Variants in HTRA3 observed in about 807,000 individuals in gnomAD.
HTRA3 encodes the protein HtrA serine peptidase 3.
Under a neutral mutation model 43.2 loss-of-function variants are expected in HTRA3, and 41 were observed. The observed-to-expected ratio is 0.95, with a 90% CI of 0.74 to 1.23. The LOEUF (loss-of-function observed/expected upper bound fraction) is 1.23. Ranked by LOEUF, HTRA3 falls within the 50% of genes most tolerant of loss-of-function variation. The probability of loss-of-function intolerance (pLI) is 0.00; values close to 1 mark genes in which losing one functional copy is unlikely to be tolerated. For synonymous variants in HTRA3, 295 were observed against 287.9 expected, an observed-to-expected ratio of 1.02 and a Z score of -0.25; for missense variants, 628 against 647.1, an observed-to-expected ratio of 0.97 and a Z score of 0.32.
chr4:8,270,435 G>T, intron 1 of HTRA3, 82 bp downstream of exon 1: 1 of 1,338,836 alleles, frequency 7.5e-7, no homozygotes, highest in East Asian at 3.1e-5. Context: ...CGAGCTCGAG[G>T]TCGCCCTTCC....
At position 8,280,483 on chromosome 4, in the gene HTRA3, C is replaced by T. The variant is rs537530612; in HGVS notation, c.386-1954C>T. On this transcript the variant is annotated intron_variant, in intron 1 of 8. Transcript: ENST00000307358. ...GGGTGCTAGAAAATGAACTCAAGTT[C>T]CCAGGGGCAGGGAGGAGAAGCAGAC... Among the ~76,000 whole-genome samples the T allele has an allele frequency of 3.9e-5, 6 of 152,286 alleles. No homozygotes were observed. The East Asian group carries it at 1.2e-3, about 29-fold the overall frequency.
intron 5 of HTRA3, among the ~76,000 whole-genome samples, chr4:8,292,834 T>C (rs755498520): frequency 7.9e-5 from 12 of 152,252 alleles, no homozygotes; most frequent in Middle Eastern, 3.4e-3. Context: ...GTCCCACCCC[T>C]GAAGCTCCTA....
At chr4:8,270,637 G>A (rs974786733) in intron 1 of HTRA3, among the ~76,000 whole-genome samples, 2 of 152,216 alleles carry the variant, frequency 1.3e-5, no homozygotes, top group Non-Finnish European at 2.9e-5. Context: ...GGTCTCTTCA[G>A]AACTGATGTC....
chr4:8,295,610 G>T lies in HTRA3; in HGVS notation c.1051+1409G>T, dbSNP rs1037330136. Reference sequence around the variant, plus strand: ...TAGTGAGCTTCTCCCTCCTGCCATTGTGTCTCCTGTGCCCACCTCCTGGCC... The same window carrying T: ...TAGTGAGCTTCTCCCTCCTGCCATTTTGTCTCCTGTGCCCACCTCCTGGCC... On this transcript the variant is annotated intron_variant, in intron 6 of 8. Transcript: ENST00000307358. This position sits in a 1 kb window ranked among gnomAD's most constrained non-coding sequence, Gnocchi z 6.9. 15 of 1,011,818 alleles carry T rather than the reference G, an allele frequency of 1.5e-5. 1 individual carries two copies. In the African/African-American group the frequency reaches 1.8e-4, roughly 12 times the overall value. The allele number at this position is 1,011,818 out of a possible 1,614,324, so 62.7% of individuals were successfully genotyped here.
chr4:8,278,751 G>A (rs1230183951), intron 1 of HTRA3, among the ~76,000 whole-genome samples: 2 of 152,212 alleles, frequency 1.3e-5, no homozygotes, highest in African/African-American at 4.8e-5. Context: ...CAGCAGACCT[G>A]GGCCAGCGCC....
Position 8,286,543 on chromosome 4 carries a change from G to A in HTRA3, c.486-18G>A. On this transcript the variant is annotated intron_variant, in intron 2 of 8. Coordinates refer to ENST00000307358, the MANE Select transcript of HTRA3 (RefSeq NM_053044.5). This position sits in a 1 kb window ranked among gnomAD's most constrained non-coding sequence, Gnocchi z 4.9. ...CTAGCCCCACCCTAAATGCCCGCCT[G>A]TGTCTCCCTGGCTGCAGACACCCGC... is the stretch of plus-strand genomic sequence containing the variant. The A allele has an allele frequency of 1.9e-6, 3 of 1,611,518 alleles. No individual in the cohort carries two copies. The highest frequency in any genetic ancestry group is 2.5e-6 in the Non-Finnish European group (3 of 1,178,732).
intron 1 of HTRA3, among the ~76,000 whole-genome samples, chr4:8,280,067 A>G (rs1712682058): frequency 6.6e-6 from 1 of 152,212 alleles, no homozygotes; most frequent in Non-Finnish European, 1.5e-5. Flanking sequence ...AGGACCAACC[A>G]GAGCATCTTG....
Position 8,275,755 on chromosome 4 carries a change from G to A in HTRA3, c.385+5402G>A, listed in dbSNP as rs115540460. On this transcript the variant is annotated intron_variant, in intron 1 of 8. Transcript: ENST00000307358. ...CTGGGCACTGTTCCAGGCCCACAAA[G>A]CCTTCAACACATCATTGGGGTATTG... 3.8e-3 allele frequency among the ~76,000 whole-genome samples: 574 copies of A among 152,316 alleles called. 6 individuals are homozygous for A. The highest frequency in any genetic ancestry group is 0.013 in the African/African-American group (549 of 41,566).
Position 8,295,638 on chromosome 4 carries a change from C to A in HTRA3, c.1051+1437C>A. 7.7e-7 allele frequency: 1 copy of A among 1,299,982 alleles called. No individual in the cohort carries two copies. Among genetic ancestry groups the A allele is most frequent in the East Asian group, 3.0e-5 (1 of 33,118 alleles). 80.5% of individuals were successfully genotyped at this position (1,299,982 alleles called of 1,614,324 possible). A position where few individuals can be genotyped will look rare whatever the true frequency, so the allele number is the denominator to read the frequency against. On this transcript the variant is annotated intron_variant, in intron 6 of 8. Coordinates refer to ENST00000307358, the MANE Select transcript of HTRA3 (RefSeq NM_053044.5). This position sits in a 1 kb window ranked among gnomAD's most constrained non-coding sequence, Gnocchi z 6.9. ...TCTCCTGTGCCCACCTCCTGGCCAA[C>A]GCCCAGGCCTGACTCAGCAACTCAC...
chr4:8,287,156 G>C (rs1408506907), intron 3 of HTRA3, among the ~76,000 whole-genome samples: 2 of 152,206 alleles, frequency 1.3e-5, no homozygotes, highest in African/African-American at 4.8e-5. Flanking sequence ...GTGGAGGCCA[G>C]GGGGCTGCCG....
At chr4:8,305,602 T>C (rs1051223320) in intron 8 of HTRA3, among the ~76,000 whole-genome samples, 3 of 152,202 alleles carry the variant, frequency 2.0e-5, no homozygotes, top group Admixed American at 1.3e-4. Flanking sequence ...TCTTCGTAAC[T>C]GCAGTAACAG....
chr4:8,302,962 C>T (rs1333766689), intron 7 of HTRA3, among the ~76,000 whole-genome samples: 1 of 152,214 alleles, frequency 6.6e-6, no homozygotes, highest in Non-Finnish European at 1.5e-5. Flanking sequence ...TTCACTTGAC[C>T]TTCTTTCTCT....
chr4:8,289,419 T>C (rs892004236), intron 3 of HTRA3, among the ~76,000 whole-genome samples: 4 of 152,236 alleles, frequency 2.6e-5, no homozygotes, highest in African/African-American at 4.8e-5. Context: ...TGGACAGCGT[T>C]TGGGCCTTGG....
chr4:8,287,647 C>T (rs1713050894), intron 3 of HTRA3, among the ~76,000 whole-genome samples: 1 of 152,124 alleles, frequency 6.6e-6, no homozygotes, highest in African/African-American at 2.4e-5. Flanking sequence ...AAGTCTGCCC[C>T]CATGATCCCA....
rs1560145340 is a variant in HTRA3, at chr4:8,306,397, C to T, written c.*261C>T. On this transcript the variant is annotated 3_prime_UTR_variant, in exon 9 of 9. Coordinates refer to ENST00000307358, the MANE Select transcript of HTRA3 (RefSeq NM_053044.5). This position sits in a 1 kb window ranked among gnomAD's most constrained non-coding sequence, Gnocchi z 8.9. ...TCCTGAAAGTCACTTCCAAGTTCTC[C>T]GGATATTCACAAAACTGCCTTCCAT... 11 of 388,448 alleles carry T rather than the reference C, an allele frequency of 2.8e-5. No homozygotes were observed. The highest frequency in any genetic ancestry group is 6.2e-5 in the African/African-American group (3 of 48,086). The allele number at this position is 388,448 out of a possible 1,614,324, so 24.1% of individuals were successfully genotyped here. A position where few individuals can be genotyped will look rare whatever the true frequency, so the allele number is the denominator to read the frequency against.
rs187103626 is a variant in HTRA3 at position 8,280,745 on chromosome 4, C to G, written c.386-1692C>G. Among the ~76,000 whole-genome samples the G allele has an allele frequency of 1.5e-3, 228 of 152,274 alleles. 1 individual carries two copies. Among genetic ancestry groups the G allele is most frequent in the African/African-American group, 5.2e-3 (216 of 41,552 alleles). On this transcript the variant is annotated intron_variant, in intron 1 of 8. Coordinates refer to ENST00000307358, the MANE Select transcript of HTRA3 (RefSeq NM_053044.5). ...AGGAGCCTCGCGGTGGCCGGCGTCTCCCAGCCAGGCTCTAGCCACCCCAGA... is the reference window on the plus strand; with the variant it reads ...AGGAGCCTCGCGGTGGCCGGCGTCTGCCAGCCAGGCTCTAGCCACCCCAGA...
intron 6 of HTRA3, among the ~76,000 whole-genome samples, chr4:8,300,542 T>G (rs6847667): frequency 0.28 from 42,443 of 152,112 alleles, 6,045 homozygotes; most frequent in Middle Eastern, 0.42. Flanking sequence ...TATTCTCTTA[T>G]TATTCTTTTA....
At chr4:8,292,011 C>T (rs995220564) in intron 4 of HTRA3, among the ~76,000 whole-genome samples, 1 of 152,208 alleles carries the variant, frequency 6.6e-6, no homozygotes, top group African/African-American at 2.4e-5. Context: ...AGGGCCCCCC[C>T]AGGCCAGCAG....
intron 7 of HTRA3, among the ~76,000 whole-genome samples, chr4:8,302,943 A>G (rs4696799): frequency 0.69 from 104,399 of 152,004 alleles, 37,241 homozygotes; most frequent in African/African-American, 0.88. Flanking sequence ...TGCAGTCTCT[A>G]CCTCTGTCTT....
Sources: gnomAD v4.1 joint callset for allele counts (sites outside exome capture counted in the v4.1 genomes callset) on GRCh38, gnomAD v4.1.1 for gene constraint, Gnocchi (gnomAD v3.1) non-coding constraint, MANE v1.5 for transcripts, NCBI Gene and HGNC (gene_info 2026-07-23, HGNC 2026-07-21) for gene names.